The following TTC21B variants were observed in gnomAD, a reference collection of about 807,000 sequenced individuals.
TTC21B encodes the protein tetratricopeptide repeat protein 21B.
TTC21B carries 127 observed loss-of-function variants against 175.1 expected under a neutral mutation model. The ratio of observed to expected loss-of-function variants is 0.73; its 90% CI spans 0.63 to 0.84. The LOEUF is 0.84. Ranked by LOEUF, TTC21B falls within the 40% of genes least tolerant of loss-of-function variation. The probability of loss-of-function intolerance (pLI) is 0.00; values close to 1 mark genes in which losing one functional copy is unlikely to be tolerated. For missense variants in TTC21B, 1,561 were observed against 1,558.3 expected (o/e 1.00, Z -0.03); for synonymous variants, 524 against 524.5 (o/e 1.00, Z 0.01).
At chr2:165,877,363 A>G (rs1173494662) in intron 27 of TTC21B, among the ~76,000 whole-genome samples, 2 of 152,242 alleles carry the variant, frequency 1.3e-5, no homozygotes, top group Admixed American at 1.3e-4. Context: ...ACTATTTTAT[A>G]TATAGTCAGG....
chr2:165,930,213 G>T lies in TTC21B; in HGVS notation c.1046C>A (p.Thr349Asn), dbSNP rs753999114. 1.4e-5 allele frequency: 22 copies of T among 1,613,268 alleles called. No homozygotes were observed. In the African/African-American group the frequency reaches 2.8e-4, roughly 21 times the overall value. ...ACTAGTCTCATCAAGTGTCATGGCG[G>T]TCTTATACCACTTCAGTGCCTCTTT... ...RVKEALKWYK[T>N]AMTLDETSVS... Residue 349 changes from threonine (T) to asparagine (N), a missense_variant, in exon 9 of 29, where the codon ACC becomes AAC. By Grantham distance (65) the Thr-to-Asn change is moderately conservative. Coordinates refer to ENST00000243344, the MANE Select transcript of TTC21B (RefSeq NM_024753.5).
At chr2:165,943,890 CAT>C (rs924021686) in intron 4 of TTC21B, among the ~76,000 whole-genome samples, 19 of 152,180 alleles carry the variant, frequency 1.2e-4, no homozygotes, top group African/African-American at 3.6e-4. Flanking sequence ...TATCTTTACA[CAT>C]GTTAGTGGGC....
intron 12 of TTC21B, among the ~76,000 whole-genome samples, chr2:165,920,274 T>C (rs931933115): frequency 6.6e-6 from 1 of 152,172 alleles, no homozygotes; most frequent in African/African-American, 2.4e-5. Context: ...TGTTCATTTA[T>C]GCCCCTCAAA....
chr2:165,884,447 A>G (rs956207709), intron 25 of TTC21B, among the ~76,000 whole-genome samples: 2 of 152,216 alleles, frequency 1.3e-5, no homozygotes, highest in Admixed American at 6.5e-5. Flanking sequence ...ACGAGTAACA[A>G]TAATTTACCT....
At chr2:165,910,575 T>G (rs1685896327) in intron 18 of TTC21B, among the ~76,000 whole-genome samples, 1 of 152,140 alleles carries the variant, frequency 6.6e-6, no homozygotes, top group African/African-American at 2.4e-5. Context: ...GAACATGGAT[T>G]ATAATATCAA....
intron 20 of TTC21B, among the ~76,000 whole-genome samples, chr2:165,901,033 C>G (rs1559047758): frequency 6.6e-6 from 1 of 151,796 alleles, no homozygotes; most frequent in East Asian, 2.0e-4. Context: ...CCCCAAGGAG[C>G]TGGGACTACA....
Position 165,912,572 on chromosome 2 carries a change from T to C in TTC21B, c.2264A>G (p.Asp755Gly). 2 of 1,614,154 alleles carry C rather than the reference T, an allele frequency of 1.2e-6. No homozygotes were observed. The highest frequency in any genetic ancestry group is 2.2e-5 in the East Asian group (1 of 44,858). ...GCCCATTTTGCTTGCCAATGTTCCATCTTTCGGGTTCTGATTTAATGCTTG... is the reference window on the plus strand; with the variant it reads ...GCCCATTTTGCTTGCCAATGTTCCACCTTTCGGGTTCTGATTTAATGCTTG... Reference protein sequence around the residue: ...YEQALNQNPKDGTLASKMGKA... With the variant: ...YEQALNQNPKGGTLASKMGKA... Residue 755 changes from aspartate (D) to glycine (G), a missense_variant, in exon 17 of 29, where the codon GAT becomes GGT. Physicochemically the swap from Asp to Gly is moderately conservative, Grantham distance 94. Transcript: ENST00000243344.
At chr2:165,938,438 G>C (rs181068317) in intron 6 of TTC21B, among the ~76,000 whole-genome samples, 2 of 152,186 alleles carry the variant, frequency 1.3e-5, no homozygotes. Context: ...CGAAAAGAGA[G>C]AGACAAGCAG....
chr2:165,898,478 T>C, intron 22 of TTC21B: 2 of 621,750 alleles, frequency 3.2e-6, no homozygotes, highest in Non-Finnish European at 5.8e-6. Flanking sequence ...GATTACCAGG[T>C]TTGTGCTCAT....
Position 165,890,745 on chromosome 2 carries a change from G to T in TTC21B, c.3101+93C>A, listed in dbSNP as rs955834687. On this transcript the variant is annotated intron_variant, in intron 23 of 28. Transcript: ENST00000243344. ...TAAAACTGTTGAATTATTTTGAAAT[G>T]TACATTTTTTTTTACTACAAAGAAA... The T allele has an allele frequency of 2.3e-5, 35 of 1,537,576 alleles. 1 individual carries two copies. In the South Asian group the frequency reaches 4.0e-4, roughly 17 times the overall value.
intron 16 of TTC21B, 31 bp from the exon 17 acceptor site, chr2:165,912,655 T>C (rs1685997146): frequency 1.3e-6 from 2 of 1,545,970 alleles, no homozygotes; most frequent in African/African-American, 1.4e-5. Flanking sequence ...AAATAAGCAA[T>C]AAAAAATAGC....
In TTC21B at chr2:165,929,162, C is replaced by T; in HGVS notation, c.1359G>A (p.Met453Ile). The T allele has an allele frequency of 1.2e-6, 2 of 1,612,812 alleles. No individual in the cohort carries two copies. Among genetic ancestry groups the T allele is most frequent in the Non-Finnish European group, 1.7e-6 (2 of 1,179,192 alleles). ...GCATTGGACAGAAGCTCAGATACTCCATAACAATTTCTAACAAGAAATCAG... is the reference window on the plus strand; with the variant it reads ...GCATTGGACAGAAGCTCAGATACTCTATAACAATTTCTAACAAGAAATCAG... ...LNPDFLLEIV[M>I]EYLSFCPMQP... is the part of the protein sequence containing the mutation. The change falls in exon 11 of 29, where the codon ATG becomes ATA. Residue 453 changes from methionine to isoleucine, a missense_variant. Met to Ile is a conservative substitution (Grantham distance 10). Coordinates refer to ENST00000243344, the MANE Select transcript of TTC21B (RefSeq NM_024753.5).
chr2:165,906,573 A>C (rs1480607724), intron 19 of TTC21B, among the ~76,000 whole-genome samples: 1 of 152,168 alleles, frequency 6.6e-6, no homozygotes, highest in African/African-American at 2.4e-5. Context: ...ACAATTTGAA[A>C]ATGATCAGTC....
chr2:165,950,480 A>T (rs1486518653), intron 1 of TTC21B, among the ~76,000 whole-genome samples: 1 of 152,176 alleles, frequency 6.6e-6, no homozygotes, highest in African/African-American at 2.4e-5. Context: ...TCACTAGGAT[A>T]CACCTGATTC....
chr2:165,919,177 C>G, intron 13 of TTC21B, 99 bp downstream of exon 13: 1 of 1,425,812 alleles, frequency 7.0e-7, no homozygotes, highest in Non-Finnish European at 9.8e-7. Flanking sequence ...AAAAATGCAA[C>G]TGTTAGCAAA....
chr2:165,919,722 G>A (rs1686317584), intron 12 of TTC21B, among the ~76,000 whole-genome samples: 1 of 151,988 alleles, frequency 6.6e-6, no homozygotes, highest in South Asian at 2.1e-4. Flanking sequence ...GCCAATAAAC[G>A]GACCTTTATT....
intron 22 of TTC21B, among the ~76,000 whole-genome samples, chr2:165,894,416 T>C (rs918325285): frequency 2.6e-5 from 4 of 152,122 alleles, no homozygotes; most frequent in African/African-American, 4.8e-5. Flanking sequence ...TAACCAATAA[T>C]GTACACATAA....
intron 1 of TTC21B, among the ~76,000 whole-genome samples, chr2:165,951,000 C>T (rs751995693): frequency 2.0e-5 from 3 of 152,182 alleles, no homozygotes; most frequent in Non-Finnish European, 4.4e-5. Context: ...TGTAATTTTA[C>T]TCTGCCTCCC....
intron 19 of TTC21B, among the ~76,000 whole-genome samples, chr2:165,905,524 T>C (rs1685697776): frequency 6.6e-6 from 1 of 152,124 alleles, no homozygotes; most frequent in South Asian, 2.1e-4. Flanking sequence ...AAGGAGATTT[T>C]AAAGCAAGAA....
Sources: gnomAD v4.1 joint callset for allele counts (sites outside exome capture counted in the v4.1 genomes callset) on GRCh38, gnomAD v4.1.1 for gene constraint, MANE v1.5 for transcripts, NCBI Gene and HGNC (gene_info 2026-07-23, HGNC 2026-07-21) for gene names.